HHIPL1: variants seen among roughly 807,000 people sequenced by gnomAD.
The protein encoded by HHIPL1 is HHIP-like protein 1.
A neutral mutation model predicts 61.8 loss-of-function variants in HHIPL1; 43 were observed. That is an observed-to-expected ratio of 0.70 (90% CI 0.55 to 0.90). HHIPL1 has a LOEUF of 0.90. HHIPL1 is among the 40% of genes least tolerant of loss of function. The probability of loss-of-function intolerance (pLI) is 0.00; values close to 1 mark genes in which losing one functional copy is unlikely to be tolerated. For missense variants in HHIPL1, 1,056 were observed against 1,157.7 expected, an observed-to-expected ratio of 0.91 and a Z score of 1.28; for synonymous variants, 482 against 515.8, an observed-to-expected ratio of 0.93 and a Z score of 0.89.
At chr14:99,657,798 TAC>T (rs2056074753) in intron 3 of HHIPL1, among the ~76,000 whole-genome samples, 1 of 151,420 alleles carries the variant, frequency 6.6e-6, no homozygotes, top group Non-Finnish European at 1.5e-5. Flanking sequence ...CACACACATA[TAC>T]ACACATACAT....
chr14:99,653,579 C>T (rs1317123029), intron 2 of HHIPL1, among the ~76,000 whole-genome samples: 1 of 152,116 alleles, frequency 6.6e-6, no homozygotes, highest in Non-Finnish European at 1.5e-5. Context: ...GCAATCTGCC[C>T]GCCTCGGCCG....
At chr14:99,629,398 G>A in the HHIPL1 span, among the ~76,000 whole-genome samples, 1 of 152,194 alleles carries the variant, frequency 6.6e-6, no homozygotes, top group African/African-American at 2.4e-5. Flanking sequence ...GATTACATAA[G>A]AGACTGGCAT....
chr14:99,634,959 C>T, the HHIPL1 span, among the ~76,000 whole-genome samples: 2 of 152,316 alleles, frequency 1.3e-5, no homozygotes, highest in African/African-American at 2.4e-5. Flanking sequence ...TCACCCACGC[C>T]GCCTGTCAGC....
Position 99,672,309 on chromosome 14 carries a change from G to C in HHIPL1, c.1731-8G>C, listed in dbSNP as rs755421085. The C allele has an allele frequency of 6.4e-7, 1 of 1,550,948 alleles. No individual in the cohort carries two copies. Among genetic ancestry groups the C allele is most frequent in the Non-Finnish European group, 8.7e-7 (1 of 1,146,770 alleles). On this transcript the variant is annotated splice_region_variant and splice_polypyrimidine_tract_variant and intron_variant, in intron 7 of 8. Transcript: ENST00000330710. Reference sequence around the variant, plus strand: ...TGAGACTCATAACCTCCTGTGTGTCGTTGGCAGGCGGGCACCACCTGGCAA... The same window carrying C: ...TGAGACTCATAACCTCCTGTGTGTCCTTGGCAGGCGGGCACCACCTGGCAA...
chr14:99,659,626 C>A lies in HHIPL1; in HGVS notation c.1245C>A (p.Leu415=). The A allele has an allele frequency of 6.4e-7, 1 of 1,551,502 alleles. No individual in the cohort carries two copies. Among genetic ancestry groups the A allele is most frequent in the Non-Finnish European group, 8.7e-7 (1 of 1,153,184 alleles). The part of the protein sequence containing the change: ...DPSSGTGRGR[L]FCGDVGQNKF... ...CCTCGGGCACTGGCCGCGGGCGCCT[C>A]TTCTGCGGCGACGTGGGCCAGAACA... Residue 415 remains leucine (L), a synonymous_variant, in exon 4 of 9, where the codon CTC becomes CTA. Transcript: ENST00000330710.
rs764060747 is a variant in HHIPL1 at position 99,662,969 on chromosome 14, C to T, written c.1596C>T (p.Gly532=). 4 of 1,613,916 alleles carry T rather than the reference C, an allele frequency of 2.5e-6. No individual in the cohort carries two copies. Among genetic ancestry groups the T allele is most frequent in the Non-Finnish European group, 8.5e-7 (1 of 1,179,904 alleles). Residue 532 remains glycine (G), a synonymous_variant, in exon 6 of 9, where the codon GGC becomes GGT. Coordinates refer to ENST00000330710, the MANE Select transcript of HHIPL1 (RefSeq NM_001127258.3). ...ACGGCCAGACCTGTGAGTTCCCAGG[C>T]CTCATCAACAACTACTACCCGTACA... is the stretch of plus-strand genomic sequence containing the variant. ...MGHGQTCEFP[G]LINNYYPYII...
At chr14:99,623,277 T>C in the HHIPL1 span, among the ~76,000 whole-genome samples, 1 of 152,250 alleles carries the variant, frequency 6.6e-6, no homozygotes. Context: ...CCTTTAAGGC[T>C]GGCTCTGAGA....
At chr14:99,665,980 C>A (rs754671144) in intron 6 of HHIPL1, among the ~76,000 whole-genome samples, 1 of 151,912 alleles carries the variant, frequency 6.6e-6, no homozygotes, top group Non-Finnish European at 1.5e-5. Flanking sequence ...TGGGGTTTCA[C>A]CATGTTGGCC....
At position 99,675,398 on chromosome 14, in the gene HHIPL1, C is replaced by T. The variant is rs1047913213; in HGVS notation, c.2121C>T (p.Ser707=). The change falls in exon 9 of 9, where the codon AGC becomes AGT. Residue 707 remains serine, a synonymous_variant. Transcript: ENST00000330710. The surrounding 1 kb of genome is among the most constrained non-coding windows in gnomAD (Gnocchi z 5.4). ...TGTGCGACGACTCCTGGAACATCAG[C>T]GGCGCCGCCGTCGTGTGTCGCCAGC... is the stretch of plus-strand genomic sequence containing the variant. ...GTVCDDSWNI[S]GAAVVCRQLG... is the part of the protein sequence containing the mutation. 37 of 1,526,218 alleles carry T rather than the reference C, an allele frequency of 2.4e-5. No individual in the cohort carries two copies. In the Admixed American group the frequency reaches 4.6e-4, roughly 19 times the overall value. 94.5% of individuals were successfully genotyped at this position (1,526,218 alleles called of 1,614,324 possible). A position where few individuals can be genotyped will look rare whatever the true frequency, so the allele number is the denominator to read the frequency against.
the HHIPL1 span, among the ~76,000 whole-genome samples, chr14:99,620,340 G>A: frequency 6.6e-6 from 1 of 152,264 alleles, no homozygotes; most frequent in Non-Finnish European, 1.5e-5. Context: ...CTGGCCCCTG[G>A]CCTCTCCAAC....
intron 7 of HHIPL1, 121 bp from the exon 8 acceptor site, chr14:99,672,196 G>A (rs1253352879): frequency 5.6e-6 from 4 of 714,424 alleles, no homozygotes; most frequent in African/African-American, 1.7e-5. Context: ...CACAGTAGGT[G>A]CATGGTGAAT....
chr14:99,637,119 G>GAAAGAAAAGA, the HHIPL1 span, among the ~76,000 whole-genome samples: 2 of 137,040 alleles, frequency 1.5e-5, no homozygotes, highest in African/African-American at 5.4e-5. Flanking sequence ...AAGAAAGAAA[G>GAAAGAAAAGA]AAAAGAAAGA....
the HHIPL1 span, among the ~76,000 whole-genome samples, chr14:99,630,010 G>C: frequency 1.3e-5 from 2 of 152,152 alleles, no homozygotes; most frequent in African/African-American, 4.8e-5. Flanking sequence ...CCCTTAAGTG[G>C]CCAATTCCCA....
upstream of HHIPL1, among the ~76,000 whole-genome samples, chr14:99,643,041 C>CA (rs2055773183): frequency 3.4e-5 from 5 of 148,790 alleles, no homozygotes; most frequent in South Asian, 1.1e-3. Context: ...TTCTGACTGA[C>CA]TTTTTTTTTT....
chr14:99,635,896 A>T, the HHIPL1 span, among the ~76,000 whole-genome samples: 1 of 152,160 alleles, frequency 6.6e-6, no homozygotes, highest in Non-Finnish European at 1.5e-5. Context: ...TCGTGCCTTC[A>T]ATAAGGCTGA....
chr14:99,672,494 G>A (rs80321378), intron 8 of HHIPL1, 95 bp downstream of exon 8: 29,091 of 992,962 alleles, frequency 0.029, 554 homozygotes, highest in Non-Finnish European at 0.036. Context: ...TTACCAGCTG[G>A]ACCTAGATGC....
chr14:99,617,893 C>T, the HHIPL1 span, among the ~76,000 whole-genome samples: 1 of 152,192 alleles, frequency 6.6e-6, no homozygotes, highest in African/African-American at 2.4e-5. Context: ...GATGACTGTG[C>T]CCATTTTACT....
At chr14:99,622,976 G>A in the HHIPL1 span, among the ~76,000 whole-genome samples, 2 of 152,216 alleles carry the variant, frequency 1.3e-5, no homozygotes, top group East Asian at 3.8e-4. Flanking sequence ...AGTGCAAAGT[G>A]CCATGAACAA....
At chr14:99,606,761 T>C in the HHIPL1 span, among the ~76,000 whole-genome samples, 13 of 152,104 alleles carry the variant, frequency 8.5e-5, no homozygotes, top group African/African-American at 3.1e-4. Flanking sequence ...AAGGTGCTAG[T>C]GGTGGTGGTA....
Sources: allele counts gnomAD v4.1 joint callset (sites outside exome capture counted in the v4.1 genomes callset), GRCh38; gene constraint gnomAD v4.1.1; non-coding constraint Gnocchi (gnomAD v3.1); transcripts MANE v1.5; gene names NCBI Gene and HGNC (gene_info 2026-07-23, HGNC 2026-07-21).